SMURF1: variants seen among roughly 807,000 people sequenced by gnomAD.
SMURF1 encodes E3 ubiquitin-protein ligase SMURF1.
A neutral mutation model predicts 98.0 loss-of-function variants in SMURF1; 44 were observed. The observed-to-expected ratio is 0.45, with a 90% confidence interval of 0.35 to 0.58. SMURF1 has a LOEUF of 0.58. Among genes scored for constraint, SMURF1 ranks in the 20% least tolerant of loss-of-function variants. SMURF1 has a pLI of 0.00. For missense variants in SMURF1, 687 were observed against 938.4 expected (o/e 0.73, Z 3.50); for synonymous variants, 396 against 374.9 (o/e 1.06, Z -0.65).
chr7:99,038,494 T>C lies in SMURF1; in HGVS notation c.1582A>G (p.Thr528Ala). 2.5e-6 allele frequency: 4 copies of C among 1,614,230 alleles called. No individual in the cohort carries two copies. Among genetic ancestry groups the C allele is most frequent in the South Asian group, 1.1e-5 (1 of 91,090 alleles). ...ENDITPVLDH[T>A]FCVEHNAFGR... ...AAGGCGTTGTGTTCCACGCAGAAGGTGTGGTCCAGTACAGGCGTGATGTCG... is the reference window on the plus strand; with the variant it reads ...AAGGCGTTGTGTTCCACGCAGAAGGCGTGGTCCAGTACAGGCGTGATGTCG... Residue 528 changes from threonine (T) to alanine (A), a missense_variant, in exon 14 of 18, where the codon ACC becomes GCC. Thr to Ala is a moderately conservative substitution (Grantham distance 58). Around this residue, in one of 2 missense-constraint regions of SMURF1, gnomAD observed 272 missense variants for 430.0 expected, o/e 0.63. Coordinates refer to ENST00000361368, the MANE Select transcript of SMURF1 (RefSeq NM_181349.3).
At chr7:99,095,039 C>T (rs1212835783) in intron 1 of SMURF1, among the ~76,000 whole-genome samples, 1 of 151,576 alleles carries the variant, frequency 6.6e-6, no homozygotes, top group Non-Finnish European at 1.5e-5. Context: ...TCAAGCATTG[C>T]CAGGTTTCCA....
chr7:99,105,729 A>T (rs1169965909), intron 1 of SMURF1, among the ~76,000 whole-genome samples: 1 of 152,210 alleles, frequency 6.6e-6, no homozygotes, highest in Non-Finnish European at 1.5e-5. Flanking sequence ...CATTCTACTC[A>T]TATATTAAAT....
At chr7:99,091,415 A>C (rs1021531085) in intron 1 of SMURF1, among the ~76,000 whole-genome samples, 12 of 152,206 alleles carry the variant, frequency 7.9e-5, no homozygotes, top group Admixed American at 2.6e-4. Flanking sequence ...GCAGAATAAC[A>C]AGTAGAAAAA....
chr7:99,031,474 T>G (rs149338215), intron 17 of SMURF1: 36 of 152,276 alleles, frequency 2.4e-4, no homozygotes, highest in Non-Finnish European at 4.7e-4. Flanking sequence ...GGGTAAGCAA[T>G]TAAGGATGGT....
intron 6 of SMURF1, among the ~76,000 whole-genome samples, chr7:99,054,102 G>A (rs1795825749): frequency 6.6e-6 from 1 of 151,740 alleles, no homozygotes; most frequent in Non-Finnish European, 1.5e-5. Flanking sequence ...CAGCTAATTT[G>A]TTATTTTTTA....
chr7:99,076,096 G>C (rs1403600716), intron 1 of SMURF1, among the ~76,000 whole-genome samples: 3 of 151,900 alleles, frequency 2.0e-5, no homozygotes, highest in African/African-American at 7.3e-5. Context: ...TATAGCGATG[G>C]GGTCTCGCAA....
chr7:99,067,228 C>T (rs1315429798), intron 1 of SMURF1, among the ~76,000 whole-genome samples: 2 of 151,506 alleles, frequency 1.3e-5, no homozygotes, highest in African/African-American at 2.4e-5. Flanking sequence ...GAACTTTTGA[C>T]CTCATGGTCC....
chr7:99,059,781 G>A (rs1310869559), intron 3 of SMURF1, among the ~76,000 whole-genome samples: 3 of 151,926 alleles, frequency 2.0e-5, no homozygotes, highest in Non-Finnish European at 4.4e-5. Context: ...GCTGGCGGAT[G>A]CCTGTAATTC....
Position 99,047,894 on chromosome 7 carries a change from G to A in SMURF1, c.954-12C>T, listed in dbSNP as rs219824. ...GTTGGCACTGGTGACTTGAGAAGAA[G>A]AGATGCAGAAAGTCACTCCGAAGCC... is the stretch of plus-strand genomic sequence containing the variant. On this transcript the variant is annotated splice_polypyrimidine_tract_variant and intron_variant, in intron 9 of 17. Coordinates refer to ENST00000361368, the MANE Select transcript of SMURF1 (RefSeq NM_181349.3). 0.36 allele frequency: 580,157 copies of A among 1,611,986 alleles called. 111,291 individuals are homozygous for A. The highest frequency in any genetic ancestry group is 0.74 in the African/African-American group (55,421 of 74,940).
At chr7:99,083,270 A>C (rs1312332318) in intron 1 of SMURF1, among the ~76,000 whole-genome samples, 1 of 152,250 alleles carries the variant, frequency 6.6e-6, no homozygotes, top group Non-Finnish European at 1.5e-5. Context: ...TGTTAACTAG[A>C]TAAAACAAAC....
At chr7:99,050,912 A>C in intron 8 of SMURF1, 1 of 1,548,916 alleles carries the variant, frequency 6.5e-7, no homozygotes, top group East Asian at 2.4e-5. Context: ...GGGTCTCTCT[A>C]ACCTGGGCTC....
intron 3 of SMURF1, among the ~76,000 whole-genome samples, chr7:99,058,729 A>T (rs1470042547): frequency 6.6e-6 from 1 of 152,242 alleles, no homozygotes; most frequent in African/African-American, 2.4e-5. Flanking sequence ...AAAGACAATA[A>T]TCTTTCAGGA....
intron 12 of SMURF1, among the ~76,000 whole-genome samples, chr7:99,041,015 G>A (rs1327515773): frequency 2.0e-5 from 3 of 152,110 alleles, no homozygotes; most frequent in Admixed American, 6.5e-5. Context: ...GATCCAGAAC[G>A]AAAGGAAGAG....
At chr7:99,055,424 C>T (rs978778165) in intron 5 of SMURF1, among the ~76,000 whole-genome samples, 11 of 150,860 alleles carry the variant, frequency 7.3e-5, no homozygotes, top group East Asian at 3.9e-4. Context: ...GCTAAGATCG[C>T]GCCACTGAAC....
At chr7:99,055,090 CTA>C (rs926101924) in intron 5 of SMURF1, among the ~76,000 whole-genome samples, 1 of 152,114 alleles carries the variant, frequency 6.6e-6, no homozygotes, top group African/African-American at 2.4e-5. Context: ...GAAAAGGGTG[CTA>C]TGTTTCTCCT....
chr7:99,073,623 G>A (rs749879776), intron 1 of SMURF1, among the ~76,000 whole-genome samples: 1 of 151,980 alleles, frequency 6.6e-6, no homozygotes, highest in Non-Finnish European at 1.5e-5. Flanking sequence ...AGAATTAGCT[G>A]GGTATGGTGG....
At chr7:99,038,549 G>T in intron 13 of SMURF1, 24 bp from the exon 14 acceptor site, 1 of 1,612,062 alleles carries the variant, frequency 6.2e-7, no homozygotes, top group South Asian at 1.1e-5. Context: ...ACAGAAGGAT[G>T]TAGGTTAGAA....
chr7:99,084,896 A>G (rs578065017), intron 1 of SMURF1, among the ~76,000 whole-genome samples: 147 of 152,080 alleles, frequency 9.7e-4, no homozygotes, highest in Non-Finnish European at 1.6e-3. Context: ...GGTTCTCATG[A>G]ATGATTTAAC....
At chr7:99,088,573 G>C (rs575616862) in intron 1 of SMURF1, among the ~76,000 whole-genome samples, 136 of 152,134 alleles carry the variant, frequency 8.9e-4, no homozygotes, top group Non-Finnish European at 1.7e-3. Context: ...CTGCATGCAG[G>C]GGGTAAATCT....
Sources: gnomAD v4.1 joint callset for allele counts (sites outside exome capture counted in the v4.1 genomes callset) on GRCh38, gnomAD v4.1.1 for gene constraint, gnomAD v4.1.1 regional missense constraint, MANE v1.5 for transcripts, NCBI Gene and HGNC (gene_info 2026-07-23, HGNC 2026-07-21) for gene names.